Variants in PRR16 observed in about 807,000 individuals in gnomAD.
The protein encoded by PRR16 is protein Largen.
Under a neutral mutation model 18.2 loss-of-function variants are expected in PRR16, and 6 were observed. That is an observed-to-expected ratio of 0.33 (90% CI 0.18 to 0.65). PRR16 has a LOEUF of 0.65. Among genes scored for constraint, PRR16 ranks in the 30% least tolerant of loss-of-function variants. PRR16 has a pLI of 0.74. For missense variants in PRR16, 412 were observed against 376.6 expected (o/e 1.09, Z -0.78); for synonymous variants, 151 against 147.8 (o/e 1.02, Z -0.16).
At chr5:120,754,282 A>AAATATAT in the PRR16 span, among the ~76,000 whole-genome samples, 190 of 94,836 alleles carry the variant, frequency 2.0e-3, 5 homozygotes, top group African/African-American at 6.5e-3. Flanking sequence ...AATAATATAT[A>AAATATAT]AATATATAAT....
intron 1 of PRR16, among the ~76,000 whole-genome samples, chr5:120,521,868 G>C (rs1168497335): frequency 6.6e-6 from 1 of 151,922 alleles, no homozygotes; most frequent in African/African-American, 2.4e-5. Flanking sequence ...TCCCCACCCT[G>C]TGTCCAAGTT....
intron 1 of PRR16, among the ~76,000 whole-genome samples, chr5:120,652,013 G>A (rs745778780): frequency 4.6e-5 from 7 of 151,968 alleles, no homozygotes; most frequent in Non-Finnish European, 1.0e-4. Flanking sequence ...ATTGAGCAGT[G>A]GTTTGTAGTT....
intron 1 of PRR16, among the ~76,000 whole-genome samples, chr5:120,592,980 T>C (rs1212442676): frequency 2.0e-5 from 3 of 152,026 alleles, no homozygotes; most frequent in Non-Finnish European, 4.4e-5. Context: ...AATAACTTTG[T>C]TACCCATACC....
chr5:120,759,965 G>A, the PRR16 span, among the ~76,000 whole-genome samples: 1 of 151,854 alleles, frequency 6.6e-6, no homozygotes, highest in Admixed American at 6.6e-5. Context: ...AAATAATATT[G>A]CTCTCTGAAG....
chr5:120,575,733 G>C (rs1360505229), intron 1 of PRR16, among the ~76,000 whole-genome samples: 1 of 152,152 alleles, frequency 6.6e-6, no homozygotes, highest in Non-Finnish European at 1.5e-5. Flanking sequence ...CTCTAAGATT[G>C]AGAATAAGAT....
At chr5:120,567,833 A>T (rs1299839692) in intron 1 of PRR16, among the ~76,000 whole-genome samples, 1 of 152,076 alleles carries the variant, frequency 6.6e-6, no homozygotes, top group Non-Finnish European at 1.5e-5. Flanking sequence ...AACTTCTTTT[A>T]TTTATAAATT....
chr5:120,684,373 G>A (rs927250083), intron 1 of PRR16, among the ~76,000 whole-genome samples: 3 of 152,068 alleles, frequency 2.0e-5, no homozygotes, highest in African/African-American at 4.8e-5. Context: ...CCTGTCCAAC[G>A]TCTAGATGCT....
At chr5:120,503,528 G>A (rs1750537605) in intron 1 of PRR16, among the ~76,000 whole-genome samples, 1 of 152,058 alleles carries the variant, frequency 6.6e-6, no homozygotes, top group Admixed American at 6.6e-5. Context: ...AAAAGAGAGA[G>A]CAATGAGATT....
the PRR16 span, among the ~76,000 whole-genome samples, chr5:120,701,190 T>C: frequency 6.6e-6 from 1 of 152,158 alleles, no homozygotes. Flanking sequence ...TTTTCTATTA[T>C]TGTACACCTT....
At chr5:120,478,369 A>G (rs1749508317) in intron 1 of PRR16, among the ~76,000 whole-genome samples, 1 of 152,134 alleles carries the variant, frequency 6.6e-6, no homozygotes, top group Non-Finnish European at 1.5e-5. Flanking sequence ...TCCTACTTTG[A>G]TTCCATAATC....
chr5:120,561,096 T>A (rs572069902), intron 1 of PRR16, among the ~76,000 whole-genome samples: 1 of 152,146 alleles, frequency 6.6e-6, no homozygotes, highest in South Asian at 2.1e-4. Flanking sequence ...TTTTTTGTTT[T>A]CTTTGTTTTA....
chr5:120,550,801 A>T (rs1417606014), intron 1 of PRR16, among the ~76,000 whole-genome samples: 1 of 152,022 alleles, frequency 6.6e-6, no homozygotes, highest in Non-Finnish European at 1.5e-5. Context: ...CAGTGTGCCT[A>T]AAGCAGGGAA....
chr5:120,691,884 G>T (rs541502142), downstream of PRR16, among the ~76,000 whole-genome samples: 40 of 152,036 alleles, frequency 2.6e-4, no homozygotes, highest in African/African-American at 9.4e-4. Flanking sequence ...CTCTTCGAAG[G>T]GTTTTACGTG....
chr5:120,508,552 GAAAA>G (rs1750719885), intron 1 of PRR16, among the ~76,000 whole-genome samples: 1 of 152,104 alleles, frequency 6.6e-6, no homozygotes, highest in Admixed American at 6.6e-5. Context: ...TTAGAAATTA[GAAAA>G]AAGAAAGGCT....
At chr5:120,701,836 A>G in the PRR16 span, among the ~76,000 whole-genome samples, 3 of 152,304 alleles carry the variant, frequency 2.0e-5, no homozygotes, top group East Asian at 3.9e-4. Context: ...CAGGCACCTC[A>G]GACCGTTTGC....
intron 1 of PRR16, among the ~76,000 whole-genome samples, chr5:120,487,740 A>C (rs1174208587): frequency 1.3e-5 from 2 of 152,228 alleles, no homozygotes; most frequent in African/African-American, 4.8e-5. Flanking sequence ...TTCAAAGGGA[A>C]TGCTTCCAGT....
intron 1 of PRR16, among the ~76,000 whole-genome samples, chr5:120,606,443 T>C (rs547456809): frequency 6.6e-5 from 10 of 152,356 alleles, no homozygotes; most frequent in South Asian, 4.1e-4. Context: ...TACTTTTTTA[T>C]ATTGACTTTT....
At chr5:120,516,849 T>A (rs1013386498) in intron 1 of PRR16, among the ~76,000 whole-genome samples, 10 of 152,170 alleles carry the variant, frequency 6.6e-5, no homozygotes, top group Non-Finnish European at 1.3e-4. Flanking sequence ...AACCTGCTGC[T>A]TTATTTCCCG....
chr5:120,769,760 T>TTTTAA, the PRR16 span, among the ~76,000 whole-genome samples: 13 of 152,020 alleles, frequency 8.6e-5, no homozygotes, highest in African/African-American at 1.7e-4. Context: ...GTAGTCCTGT[T>TTTTAA]TTTAATTTTT....
Sources: gnomAD v4.1 joint callset for allele counts (sites outside exome capture counted in the v4.1 genomes callset) on GRCh38, gnomAD v4.1.1 for gene constraint, MANE v1.5 for transcripts, NCBI Gene and HGNC (gene_info 2026-07-23, HGNC 2026-07-21) for gene names.